The following SPATS2 variants were observed in gnomAD, a reference collection of about 807,000 sequenced individuals.
SPATS2 encodes the protein spermatogenesis associated serine rich 2, also known as spermatogenesis-associated serine-rich protein 2.
Under a neutral mutation model 63.7 loss-of-function variants are expected in SPATS2, and 38 were observed. That is an observed-to-expected ratio of 0.60 (90% confidence interval 0.46 to 0.78). The LOEUF (loss-of-function observed/expected upper bound fraction) is 0.78, where lower values mean the gene tolerates loss of function less well. Among genes scored for constraint, SPATS2 ranks in the 30% least tolerant of loss-of-function variants. SPATS2 has a pLI of 0.00. For missense variants in SPATS2, 588 were observed against 666.2 expected, an observed-to-expected ratio of 0.88 and a Z score of 1.29; for synonymous variants, 207 against 232.9, an observed-to-expected ratio of 0.89 and a Z score of 1.01.
At chr12:49,389,426 G>A (rs1944380648) in intron 2 of SPATS2, 1 of 616,106 alleles carries the variant, frequency 1.6e-6, no homozygotes, top group Non-Finnish European at 3.0e-6. Context: ...TCTTCCCTTG[G>A]GTGCATAGGT....
At chr12:49,409,643 C>A (rs1261704359) in intron 2 of SPATS2, among the ~76,000 whole-genome samples, 8 of 142,886 alleles carry the variant, frequency 5.6e-5, no homozygotes, top group African/African-American at 2.1e-4. Context: ...CCCTGTGTCG[C>A]CCAGGCAGGA....
At chr12:49,410,219 G>T (rs1198704164) in intron 2 of SPATS2, among the ~76,000 whole-genome samples, 1 of 151,972 alleles carries the variant, frequency 6.6e-6, no homozygotes, top group Non-Finnish European at 1.5e-5. Flanking sequence ...GGGATTATAG[G>T]TGTGTGCCAC....
At chr12:49,485,757 C>CTTT (rs1304633706) in intron 4 of SPATS2, among the ~76,000 whole-genome samples, 7 of 128,942 alleles carry the variant, frequency 5.4e-5, no homozygotes, top group Non-Finnish European at 1.2e-4. Flanking sequence ...TATGGGCTCT[C>CTTT]TTTTTTTTTT....
In SPATS2 at chr12:49,411,547, A is replaced by G. The variant is rs377762471; in HGVS notation, c.-244+40257A>G. Among the ~76,000 whole-genome samples, 20 of 152,310 alleles carry G rather than the reference A, an allele frequency of 1.3e-4. 1 individual carries two copies. The South Asian group carries it at 2.1e-3, about 16-fold the overall frequency. On this transcript the variant is annotated intron_variant, in intron 2 of 13. Coordinates refer to ENST00000552918, the MANE Select transcript of SPATS2 (RefSeq NM_023071.4). Reference sequence around the variant, plus strand: ...TAGACTTGGGTATCTGCATGACTCAATATTCAAAGAATCATATCTAAAGCA... The same window carrying G: ...TAGACTTGGGTATCTGCATGACTCAGTATTCAAAGAATCATATCTAAAGCA...
intron 2 of SPATS2, among the ~76,000 whole-genome samples, chr12:49,392,529 A>G (rs2137253409): frequency 6.6e-6 from 1 of 152,210 alleles, no homozygotes; most frequent in East Asian, 1.9e-4. Context: ...CCTGGCCAAC[A>G]TGGCGAAACC....
intron 2 of SPATS2, among the ~76,000 whole-genome samples, chr12:49,396,524 A>G (rs757974313): frequency 6.6e-6 from 1 of 152,148 alleles, no homozygotes; most frequent in African/African-American, 2.4e-5. Flanking sequence ...CTTTGCTTCT[A>G]CTATGGTACT....
intron 6 of SPATS2, 65 bp from the exon 7 acceptor site, chr12:49,494,676 T>G (rs1024474997): frequency 4.2e-6 from 6 of 1,422,600 alleles, no homozygotes; most frequent in Non-Finnish European, 5.6e-6. Flanking sequence ...TAGAGTTACC[T>G]CTCTAGGTTG....
intron 2 of SPATS2, among the ~76,000 whole-genome samples, chr12:49,384,711 T>C (rs894030824): frequency 2.6e-5 from 4 of 152,220 alleles, no homozygotes; most frequent in African/African-American, 7.2e-5. Context: ...CACTAGATTA[T>C]AAGCTCCCTC....
intron 3 of SPATS2, among the ~76,000 whole-genome samples, chr12:49,483,593 A>C (rs2137829043): frequency 6.6e-6 from 1 of 152,392 alleles, no homozygotes; most frequent in South Asian, 2.1e-4. Context: ...AGATTAAGCC[A>C]TGAAAGAATC....
intron 3 of SPATS2, among the ~76,000 whole-genome samples, chr12:49,464,262 G>C (rs562437484): frequency 1.3e-5 from 2 of 152,068 alleles, no homozygotes; most frequent in East Asian, 3.9e-4. Context: ...TCAGCACTTA[G>C]GGAGGCTGAG....
intron 2 of SPATS2, among the ~76,000 whole-genome samples, chr12:49,427,327 A>T (rs780802080): frequency 1.3e-5 from 2 of 152,216 alleles, no homozygotes; most frequent in Non-Finnish European, 2.9e-5. Flanking sequence ...GGAATTTTCT[A>T]CTTAACATTA....
At chr12:49,520,248 A>G (rs1946918044) in intron 11 of SPATS2, among the ~76,000 whole-genome samples, 1 of 151,584 alleles carries the variant, frequency 6.6e-6, no homozygotes, top group African/African-American at 2.4e-5. Context: ...CCAAAGTGCT[A>G]GGATTACGGG....
At chr12:49,391,397 A>G (rs562491477) in intron 2 of SPATS2, among the ~76,000 whole-genome samples, 9 of 152,302 alleles carry the variant, frequency 5.9e-5, no homozygotes, top group African/African-American at 2.2e-4. Context: ...CTGTAATCCC[A>G]GCTACTCGGG....
At chr12:49,484,751 T>C in intron 4 of SPATS2, 82 bp downstream of exon 4, 1 of 1,175,858 alleles carries the variant, frequency 8.5e-7, no homozygotes, top group African/African-American at 1.5e-5. Flanking sequence ...TACCACAAAC[T>C]CATTATGAGA....
chr12:49,391,373 G>A (rs761448465), intron 2 of SPATS2, among the ~76,000 whole-genome samples: 5 of 152,172 alleles, frequency 3.3e-5, no homozygotes, highest in Non-Finnish European at 7.3e-5. Flanking sequence ...TTAGCTGGTC[G>A]TGGAGGCGTG....
At chr12:49,431,405 C>T (rs773365775) in intron 2 of SPATS2, among the ~76,000 whole-genome samples, 32 of 152,126 alleles carry the variant, frequency 2.1e-4, no homozygotes, top group Non-Finnish European at 3.8e-4. Flanking sequence ...CGCGCCACCA[C>T]GCCCAGCTAA....
chr12:49,478,780 G>A (rs1472989023), intron 3 of SPATS2, among the ~76,000 whole-genome samples: 1 of 152,180 alleles, frequency 6.6e-6, no homozygotes, highest in Admixed American at 6.5e-5. Context: ...GATCTTTGGA[G>A]TGTCACTTTT....
In SPATS2 at chr12:49,388,265, T is replaced by G. The variant is rs369912752; in HGVS notation, c.-244+16975T>G. Among the ~76,000 whole-genome samples, 10 of 152,328 alleles carry G rather than the reference T, an allele frequency of 6.6e-5. 1 individual carries two copies. The East Asian group carries it at 1.7e-3, about 26-fold the overall frequency. ...CATAGTTGTATTTCAAAAATCTGATTGTCTTGATAAATGTAATCTTTTCAT... is the reference window on the plus strand; with the variant it reads ...CATAGTTGTATTTCAAAAATCTGATGGTCTTGATAAATGTAATCTTTTCAT... On this transcript the variant is annotated intron_variant, in intron 2 of 13. Coordinates refer to ENST00000552918, the MANE Select transcript of SPATS2 (RefSeq NM_023071.4).
chr12:49,455,401 A>G (rs755447430), intron 2 of SPATS2, among the ~76,000 whole-genome samples: 3 of 152,158 alleles, frequency 2.0e-5, no homozygotes, highest in Non-Finnish European at 4.4e-5. Flanking sequence ...ACATTTACCA[A>G]GGTCTCCTAT....
Sources: gnomAD v4.1 joint callset for allele counts (sites outside exome capture counted in the v4.1 genomes callset) on GRCh38, gnomAD v4.1.1 for gene constraint, MANE v1.5 for transcripts, NCBI Gene and HGNC (gene_info 2026-07-23, HGNC 2026-07-21) for gene names.